DCAF1: variants seen among roughly 807,000 people sequenced by gnomAD.
DCAF1 encodes DDB1 and CUL4 associated factor 1.
A neutral mutation model predicts 128.0 loss-of-function variants in DCAF1; 15 were observed. That is an observed-to-expected ratio of 0.12 (90% CI 0.08 to 0.18). The LOEUF (loss-of-function observed/expected upper bound fraction) is 0.18. Ranked by LOEUF, DCAF1 falls within the 10% of genes least tolerant of loss-of-function variation. DCAF1 has a pLI of 1.00. For missense variants in DCAF1, 988 were observed against 1,649.5 expected (o/e 0.60, Z 6.95); for synonymous variants, 610 against 603.0 (o/e 1.01, Z -0.17).
intron 19 of DCAF1, among the ~76,000 whole-genome samples, chr3:51,414,423 T>G (rs1254491238): frequency 6.6e-6 from 1 of 152,228 alleles, no homozygotes; most frequent in Non-Finnish European, 1.5e-5. Context: ...ATAGAAAACA[T>G]GCTAGTGAAA....
Position 51,429,345 on chromosome 3 carries a change from G to A in DCAF1, c.1593C>T (p.His531=). 1 of 780,856 alleles carries A rather than the reference G, an allele frequency of 1.3e-6. No individual in the cohort carries two copies. The highest frequency in any genetic ancestry group is 2.4e-5 in the East Asian group (1 of 41,244). 48.4% of individuals were successfully genotyped at this position (780,856 alleles called of 1,614,324 possible). The part of the protein sequence containing the change: ...CMALRKYFEA[H]LAIKLEQVKQ... ...TCACTTGTTCCAATTTAATGGCCAG[G>A]TGAGCCTCAAAGTATTTGCGCAAGG... Residue 531 remains histidine, a synonymous_variant, in exon 12 of 25, where the codon CAC becomes CAT. Transcript: ENST00000684031.
intron 14 of DCAF1, among the ~76,000 whole-genome samples, chr3:51,421,525 G>C (rs533023724): frequency 2.0e-5 from 3 of 152,220 alleles, no homozygotes; most frequent in Non-Finnish European, 4.4e-5. Flanking sequence ...CCAAAGTTTT[G>C]GGATTACAGG....
chr3:51,413,814 A>T (rs1698643532), intron 20 of DCAF1, 136 bp downstream of exon 20: 1 of 1,156,438 alleles, frequency 8.6e-7, no homozygotes, highest in Admixed American at 3.9e-5. Context: ...TCATACTATC[A>T]ATTTTTTATC....
At position 51,420,199 on chromosome 3, in the gene DCAF1, G is replaced by A. The variant is rs1699270493; in HGVS notation, c.2771C>T (p.Pro924Leu). 2 of 1,613,914 alleles carry A rather than the reference G, an allele frequency of 1.2e-6. No homozygotes were observed. The highest frequency in any genetic ancestry group is 1.7e-6 in the Non-Finnish European group (2 of 1,179,910). Residue 924 changes from proline (P) to leucine (L), a missense_variant, in exon 15 of 25, where the codon CCT becomes CTT. Physicochemically the swap from Pro to Leu is moderately conservative, Grantham distance 98. Transcript: ENST00000684031. This position sits in a 1 kb window ranked among gnomAD's most constrained non-coding sequence, Gnocchi z 6.5. ...GSHAAVGASA[P>L]SAPTAHPQPR... ...CTGAGGATGAGCAGTAGGGGCAGAA[G>A]GCGCAGAGGCACCCACAGCAGCATG...
intron 24 of DCAF1, among the ~76,000 whole-genome samples, chr3:51,401,825 A>G (rs1349537247): frequency 6.6e-6 from 1 of 152,234 alleles, no homozygotes; most frequent in Non-Finnish European, 1.5e-5. Context: ...ATGTCTCACT[A>G]TTCACACGTG....
In DCAF1 at chr3:51,500,002, G is replaced by T. The variant is rs1553663543; in HGVS notation, c.-185C>A. On this transcript the variant is annotated 5_prime_UTR_variant, in exon 1 of 25. Transcript: ENST00000684031. Reference sequence around the variant, plus strand: ...CACAGCGCGACCACGGCTCCACAGCGGCCCACATATTATGCGTCACTCGCG... The same window carrying T: ...CACAGCGCGACCACGGCTCCACAGCTGCCCACATATTATGCGTCACTCGCG... 1 of 147,680 alleles carries T rather than the reference G, an allele frequency of 6.8e-6. No homozygotes were observed. Among genetic ancestry groups the T allele is most frequent in the Non-Finnish European group, 1.5e-5 (1 of 66,938 alleles). 9.1% of individuals were successfully genotyped at this position (147,680 alleles called of 1,614,324 possible).
Position 51,403,183 on chromosome 3 carries a change from G to A in DCAF1, c.4425C>T (p.Asp1475=), listed in dbSNP as rs782367127. The change falls in exon 24 of 25, where the codon GAC becomes GAT. Residue 1475 remains aspartate, a synonymous_variant. Transcript: ENST00000684031. ...GTTCCACCTCCTCATCTGCATCAGA[G>A]TCTTCATCCTCCCCGTCCTCTCCCT... ...LEEGEDGEDE[D]SDADEEVELI... The A allele has an allele frequency of 4.3e-6, 7 of 1,613,748 alleles. No individual in the cohort carries two copies. The South Asian group carries it at 7.7e-5, about 18-fold the overall frequency.
In DCAF1 at chr3:51,419,874, A is replaced by G; in HGVS notation, c.3096T>C (p.Phe1032=). The G allele has an allele frequency of 6.2e-7, 1 of 1,614,050 alleles. No individual in the cohort carries two copies. Among genetic ancestry groups the G allele is most frequent in the Non-Finnish European group, 8.5e-7 (1 of 1,179,900 alleles). ...TTGGCTCAGGACATTGGTGAGGAGT[A>G]AAGAGGGAGAAAGGTGGGCAGGTGG... ...PVATCPPFSL[F]TPHQCPEPKQ... The change falls in exon 15 of 25, where the codon TTT becomes TTC. Residue 1032 remains phenylalanine (F), a synonymous_variant. Coordinates refer to ENST00000684031, the MANE Select transcript of DCAF1 (RefSeq NM_001387579.1).
upstream of DCAF1, among the ~76,000 whole-genome samples, chr3:51,502,399 T>C (rs1708841686): frequency 6.6e-6 from 1 of 151,876 alleles, no homozygotes; most frequent in African/African-American, 2.4e-5. Flanking sequence ...CTACAAAATA[T>C]CTTAAAAATT....
intron 3 of DCAF1, 51 bp downstream of exon 3, chr3:51,483,668 G>T: frequency 3.5e-6 from 4 of 1,152,998 alleles, no homozygotes; most frequent in Non-Finnish European, 3.9e-6. Context: ...TAGCGTATGA[G>T]TTGTGTCCGA....
intron 3 of DCAF1, among the ~76,000 whole-genome samples, chr3:51,474,335 G>A (rs1456667114): frequency 5.9e-5 from 9 of 152,096 alleles, no homozygotes; most frequent in East Asian, 1.9e-4. Flanking sequence ...CAGGAGAATC[G>A]CTTGAACTCA....
intron 3 of DCAF1, among the ~76,000 whole-genome samples, chr3:51,475,201 A>C (rs1164684292): frequency 2.0e-5 from 3 of 152,068 alleles, no homozygotes; most frequent in African/African-American, 7.2e-5. Flanking sequence ...AAATATACTT[A>C]GAATTATATA....
chr3:51,481,899 G>A (rs370539248), intron 3 of DCAF1, among the ~76,000 whole-genome samples: 118 of 152,154 alleles, frequency 7.8e-4, no homozygotes, highest in African/African-American at 2.7e-3. Context: ...CTGAGGCAGG[G>A]AGAATTGCTT....
At position 51,441,842 on chromosome 3, in the gene DCAF1, C is replaced by T. The variant is rs900782033; in HGVS notation, c.569G>A (p.Arg190Gln). 1.5e-5 allele frequency: 24 copies of T among 1,612,878 alleles called. No individual in the cohort carries two copies. The highest frequency in any genetic ancestry group is 1.9e-5 in the Non-Finnish European group (23 of 1,179,858). The change falls in exon 8 of 25, where the codon CGG (arginine) becomes CAG (glutamine). Residue 190 changes from arginine to glutamine, a missense_variant. Physicochemically the swap from Arg to Gln is conservative, Grantham distance 43 (BLOSUM62 1). This residue lies in a region of DCAF1 where 210 missense variants were observed against 260.2 expected (regional missense o/e 0.81). Coordinates refer to ENST00000684031, the MANE Select transcript of DCAF1 (RefSeq NM_001387579.1). ...TGGACTGGGACGCTTGTTTTCCTGC[C>T]GCAAAGCCACTTCCTGTAGCTGTAG... The part of the protein sequence containing the change: ...RELQLQEVAL[R>Q]QENKRPSPRK...
intron 3 of DCAF1, among the ~76,000 whole-genome samples, chr3:51,472,484 T>A (rs189004910): frequency 1.6e-4 from 25 of 152,214 alleles, no homozygotes; most frequent in African/African-American, 5.3e-4. Context: ...ACTCTTGGCC[T>A]CAAGCAATCC....
intron 6 of DCAF1, among the ~76,000 whole-genome samples, chr3:51,447,029 G>A (rs927650121): frequency 1.4e-5 from 2 of 143,148 alleles, no homozygotes; most frequent in African/African-American, 5.2e-5. Flanking sequence ...TTAAAACCTC[G>A]TATTTTCTTT....
At chr3:51,471,046 A>G (rs1704675254) in intron 3 of DCAF1, 41 bp from the exon 4 acceptor site, 1 of 1,379,694 alleles carries the variant, frequency 7.2e-7, no homozygotes, top group Non-Finnish European at 1.0e-6. Context: ...GGACAAGCAT[A>G]AAAAAATGGA....
At chr3:51,405,281 T>C (rs1553626257) in intron 23 of DCAF1, among the ~76,000 whole-genome samples, 3 of 152,208 alleles carry the variant, frequency 2.0e-5, no homozygotes, top group Non-Finnish European at 4.4e-5. Flanking sequence ...CTCTTTCATT[T>C]TGAAGAACAT....
intron 6 of DCAF1, among the ~76,000 whole-genome samples, chr3:51,446,442 C>T (rs369034248): frequency 7.0e-4 from 107 of 152,070 alleles, no homozygotes; most frequent in South Asian, 3.5e-3. Flanking sequence ...GCCTAGGCAA[C>T]GTAGCAAGAC....
Sources: allele counts gnomAD v4.1 joint callset (sites outside exome capture counted in the v4.1 genomes callset), GRCh38; gene constraint gnomAD v4.1.1; regional missense constraint gnomAD v4.1.1; non-coding constraint Gnocchi (gnomAD v3.1); transcripts MANE v1.5; gene names NCBI Gene and HGNC (gene_info 2026-07-23, HGNC 2026-07-21).